Variants in NFATC2 observed in about 807,000 individuals in gnomAD.
NFATC2 encodes nuclear factor of activated T cells 2.
Under a neutral mutation model 87.3 loss-of-function variants are expected in NFATC2, and 22 were observed. The ratio of observed to expected loss-of-function variants is 0.25; its 90% CI spans 0.18 to 0.36. The LOEUF is 0.36. Among genes scored for constraint, NFATC2 ranks in the 10% least tolerant of loss-of-function variants. The pLI is 1.00. For synonymous variants in NFATC2, 565 were observed against 542.2 expected (o/e 1.04, Z -0.58); for missense variants, 1,149 against 1,259.1 (o/e 0.91, Z 1.32).
rs140704423 is a variant in NFATC2, at chr20:51,532,340, T to C, written c.131-8230A>G. 2.3e-3 allele frequency among the ~76,000 whole-genome samples: 343 copies of C among 152,156 alleles called. 1 individual carries two copies. The highest frequency in any genetic ancestry group is 8.0e-3 in the African/African-American group (330 of 41,508). On this transcript the variant is annotated intron_variant, in intron 1 of 10. Coordinates refer to ENST00000371564, the MANE Select transcript of NFATC2 (RefSeq NM_012340.5). ...TCCTCCACCCCCCTAACCACTACTT[T>C]ATCCTGCATCTCAGGAAAGAGGTGA...
Position 51,454,620 on chromosome 20 carries a change from C to T in NFATC2, c.1777G>A (p.Gly593Ser), listed in dbSNP as rs199959483. The change falls in exon 6 of 11, where the codon GGC becomes AGC. Residue 593 changes from glycine (G) to serine (S), a missense_variant. Gly to Ser is a moderately conservative substitution (Grantham distance 56, BLOSUM62 0). Around this residue, in one of 3 missense-constraint regions of NFATC2, gnomAD observed 581 missense variants for 649.7 expected, o/e 0.89. Coordinates refer to ENST00000371564, the MANE Select transcript of NFATC2 (RefSeq NM_012340.5). Reference protein sequence around the residue: ...QDTDSCLVYGGQQMILTGQNF... With the variant: ...QDTDSCLVYGSQQMILTGQNF... ...TGCCCCGTGAGGATCATTTGCTGGCCGCCATAGACCAGGCAGCTGTCTGTG... is the reference window on the plus strand; with the variant it reads ...TGCCCCGTGAGGATCATTTGCTGGCTGCCATAGACCAGGCAGCTGTCTGTG... The T allele has an allele frequency of 1.6e-4, 253 of 1,614,106 alleles. No individual in the cohort carries two copies. Among genetic ancestry groups the T allele is most frequent in the East Asian group, 2.2e-5 (1 of 44,886 alleles).
chr20:51,491,263 C>T (rs1374238097), intron 3 of NFATC2, among the ~76,000 whole-genome samples: 1 of 151,040 alleles, frequency 6.6e-6, no homozygotes, highest in Admixed American at 6.6e-5. Flanking sequence ...GATTCTTCCA[C>T]ATGCATAAAA....
At chr20:51,548,831 T>C (rs562970401) in intron 1 of NFATC2, among the ~76,000 whole-genome samples, 86 of 152,354 alleles carry the variant, frequency 5.6e-4, no homozygotes, top group African/African-American at 1.8e-3. Context: ...AAGTCCCTTC[T>C]TTGCTCAGCT....
At chr20:51,408,012 G>T (rs140636818) in intron 9 of NFATC2, among the ~76,000 whole-genome samples, 1 of 152,196 alleles carries the variant, frequency 6.6e-6, no homozygotes, top group African/African-American at 2.4e-5. Flanking sequence ...AAAGTCCTCT[G>T]TGGCCCAACC....
chr20:51,486,546 G>C (rs1169636244), intron 3 of NFATC2, among the ~76,000 whole-genome samples: 12 of 151,944 alleles, frequency 7.9e-5, no homozygotes. Context: ...TTTCCTTCCT[G>C]ACTGTGCTAA....
chr20:51,562,583 C>A lies in NFATC2; in HGVS notation c.47G>T (p.Arg16Leu). Residue 16 changes from arginine to leucine, a missense_variant, in exon 1 of 11, where the codon CGC (arginine) becomes CTC (leucine). Coordinates refer to the NFATC2 transcript ENST00000414705. The surrounding 1 kb of genome is among the most constrained non-coding windows in gnomAD (Gnocchi z 5.8). ...ACCTTGGTCCACAGACCCCATGATG[C>A]GGAGGGGATGGCAGTGCCCCAGTCT... 2.6e-6 allele frequency: 4 copies of A among 1,551,210 alleles called. No homozygotes were observed. Among genetic ancestry groups the A allele is most frequent in the Non-Finnish European group, 3.5e-6 (4 of 1,146,638 alleles).
intron 4 of NFATC2, among the ~76,000 whole-genome samples, chr20:51,474,631 G>T (rs1407426828): frequency 6.6e-6 from 1 of 152,178 alleles, no homozygotes; most frequent in African/African-American, 2.4e-5. Context: ...AGAAAGTGCT[G>T]GAGCACAGGT....
At chr20:51,554,200 C>T (rs2076958537) in intron 1 of NFATC2, among the ~76,000 whole-genome samples, 1 of 152,206 alleles carries the variant, frequency 6.6e-6, no homozygotes, top group African/African-American at 2.4e-5. Context: ...TCCATCAACA[C>T]AATCACTAGA....
At chr20:51,555,389 C>T (rs914832525) in intron 1 of NFATC2, among the ~76,000 whole-genome samples, 2 of 151,976 alleles carry the variant, frequency 1.3e-5, no homozygotes, top group Non-Finnish European at 2.9e-5. Flanking sequence ...GTCAGGAGAT[C>T]GAGACCATCC....
intron 6 of NFATC2, among the ~76,000 whole-genome samples, chr20:51,436,985 AC>A (rs1983673279): frequency 6.6e-6 from 1 of 151,586 alleles, no homozygotes; most frequent in East Asian, 1.9e-4. Context: ...CTCACCCTCC[AC>A]CTTTCCTCAG....
Position 51,517,051 on chromosome 20 carries a change from A to G in NFATC2, c.1161-96T>C, listed in dbSNP as rs926907540. On this transcript the variant is annotated intron_variant, in intron 2 of 10. Transcript: ENST00000371564. ...ACGGCCCTTTCTGAAAATCATGGAT[A>G]CAGTCATGTATTGCTCAACAATGAG... 5.7e-6 allele frequency: 7 copies of G among 1,222,844 alleles called. No homozygotes were observed. The African/African-American group carries it at 1.1e-4, about 18-fold the overall frequency. The allele number at this position is 1,222,844 out of a possible 1,614,324, so 75.7% of individuals were successfully genotyped here.
intron 3 of NFATC2, among the ~76,000 whole-genome samples, chr20:51,478,085 A>G (rs1318750939): frequency 6.6e-6 from 1 of 152,116 alleles, no homozygotes; most frequent in Non-Finnish European, 1.5e-5. Context: ...ACAAAGAGAG[A>G]GGCTGGGAGT....
intron 9 of NFATC2, among the ~76,000 whole-genome samples, chr20:51,425,622 C>CAGCG (rs1242124313): frequency 6.6e-6 from 1 of 152,238 alleles, no homozygotes; most frequent in African/African-American, 2.4e-5. Context: ...CACACAGGAG[C>CAGCG]CGCTTTGTCC....
At chr20:51,510,412 G>A (rs553643030) in intron 3 of NFATC2, among the ~76,000 whole-genome samples, 3 of 152,248 alleles carry the variant, frequency 2.0e-5, no homozygotes, top group East Asian at 1.9e-4. Context: ...TTTGTCCACC[G>A]GAGGACCACT....
chr20:51,492,199 G>A (rs1211658641), intron 3 of NFATC2, among the ~76,000 whole-genome samples: 1 of 151,954 alleles, frequency 6.6e-6, no homozygotes, highest in African/African-American at 2.4e-5. Flanking sequence ...ACATCTTCCT[G>A]TCTAGACGAG....
chr20:51,392,729 C>A (rs1986507355), intron 10 of NFATC2, among the ~76,000 whole-genome samples: 1 of 152,144 alleles, frequency 6.6e-6, no homozygotes, highest in African/African-American at 2.4e-5. Flanking sequence ...CTCACCTTAG[C>A]CTTAAGTTAC....
At chr20:51,504,574 CCTCA>C (rs2076145535) in intron 3 of NFATC2, among the ~76,000 whole-genome samples, 1 of 152,212 alleles carries the variant, frequency 6.6e-6, no homozygotes, top group Non-Finnish European at 1.5e-5. Flanking sequence ...ACCACCTGTT[CCTCA>C]AAAACCTATT....
intron 3 of NFATC2, among the ~76,000 whole-genome samples, chr20:51,513,957 C>T (rs2076311836): frequency 6.6e-6 from 1 of 152,216 alleles, no homozygotes; most frequent in African/African-American, 2.4e-5. Flanking sequence ...GCAAATAGAG[C>T]TTGCGGTATC....
chr20:51,428,875 C>T (rs777550313), intron 9 of NFATC2, among the ~76,000 whole-genome samples: 3 of 152,232 alleles, frequency 2.0e-5, no homozygotes, highest in Non-Finnish European at 4.4e-5. Context: ...GAAATGCCCA[C>T]GCACAGGCAG....
Sources: allele counts gnomAD v4.1 joint callset (sites outside exome capture counted in the v4.1 genomes callset), GRCh38; gene constraint gnomAD v4.1.1; regional missense constraint gnomAD v4.1.1; non-coding constraint Gnocchi (gnomAD v3.1); transcripts MANE v1.5; gene names NCBI Gene and HGNC (gene_info 2026-07-23, HGNC 2026-07-21).